SERPINB11: variants seen among roughly 807,000 people sequenced by gnomAD.
SERPINB11 encodes serpin B11.
In SERPINB11, 32 loss-of-function variants were observed where a neutral mutation model predicts 36.7. The ratio of observed to expected loss-of-function variants is 0.87; its 90% CI spans 0.66 to 1.17. SERPINB11 has a LOEUF of 1.17. SERPINB11 is among the 50% of genes most tolerant of loss of function. The pLI, the probability that SERPINB11 is intolerant of heterozygous loss-of-function variation, is 0.00. For synonymous variants in SERPINB11, 174 were observed against 168.1 expected, an observed-to-expected ratio of 1.04 and a Z score of -0.27; for missense variants, 528 against 458.4, an observed-to-expected ratio of 1.15 and a Z score of -1.39.
chr18:63,720,650 T>C, intron 6 of SERPINB11, 181 bp from the exon 7 acceptor site: 1 of 545,616 alleles, frequency 1.8e-6, no homozygotes, highest in Non-Finnish European at 3.2e-6. Flanking sequence ...CATGACTTAT[T>C]TTAAATTAAA....
intron 2 of SERPINB11, among the ~76,000 whole-genome samples, chr18:63,710,915 A>G (rs1489306783): frequency 6.6e-5 from 10 of 152,196 alleles, no homozygotes; most frequent in South Asian, 2.1e-4. Flanking sequence ...TCACTTAACA[A>G]CTCTTAGGAT....
At position 63,723,730 on chromosome 18, in the gene SERPINB11, TTG is replaced by T; in HGVS notation, c.*332_*333del. 1 of 210,742 alleles carries T rather than the reference TTG, an allele frequency of 4.7e-6. No individual in the cohort carries two copies. The allele number at this position is 210,742 out of a possible 1,614,324, so 13.1% of individuals were successfully genotyped here. On this transcript the variant is annotated 3_prime_UTR_variant, in exon 8 of 8. Transcript: ENST00000544088. ...TTGACTTGTATGTATCTGTGAGATC[TTG>T]AATAAGTGACCTGACATCTCTGCTT...
chr18:63,723,312 G>C lies in SERPINB11; in HGVS notation c.1092G>C (p.Gln364His). Residue 364 changes from glutamine (Q) to histidine (H), a missense_variant, in exon 8 of 8, where the codon CAG (glutamine) becomes CAC (histidine). Physicochemically the swap from Gln to His is conservative, Grantham distance 24. Coordinates refer to ENST00000544088, the MANE Select transcript of SERPINB11 (RefSeq NM_001370475.1). ...IAVKSLPMRA[Q>H]FKANHPFLFF... is the part of the protein sequence containing the mutation. ...TAAAAAGCCTACCAATGAGAGCTCA[G>C]TTCAAGGCGAACCACCCCTTCCTTT... 6.2e-7 allele frequency: 1 copy of C among 1,613,938 alleles called. No individual in the cohort carries two copies. Among genetic ancestry groups the C allele is most frequent in the African/African-American group, 1.3e-5 (1 of 75,048 alleles).
intron 4 of SERPINB11, among the ~76,000 whole-genome samples, chr18:63,713,748 C>T (rs79654591): frequency 1.8e-4 from 27 of 152,242 alleles, no homozygotes; most frequent in Admixed American, 5.2e-4. Context: ...CTGGTATGCC[C>T]GCTCTCTTGA....
At position 63,720,722 on chromosome 18, in the gene SERPINB11, C is replaced by T. The variant is rs1457859851; in HGVS notation, c.619-109C>T. On this transcript the variant is annotated intron_variant, in intron 6 of 7. Coordinates refer to ENST00000544088, the MANE Select transcript of SERPINB11 (RefSeq NM_001370475.1). ...ATCTACTTTGTAGTTTCTATTTTAC[C>T]CATGCCTTTAGAGTGTTCATGCAGA... 4.6e-5 allele frequency: 33 copies of T among 714,528 alleles called. No homozygotes were observed. In the East Asian group the frequency reaches 7.3e-4, roughly 16 times the overall value. 44.3% of individuals were successfully genotyped at this position (714,528 alleles called of 1,614,324 possible).
intron 3 of SERPINB11, 41 bp downstream of exon 3, chr18:63,711,435 A>T (rs1300055581): frequency 5.6e-6 from 8 of 1,419,190 alleles, no homozygotes; most frequent in African/African-American, 2.8e-5. Context: ...TCTTTAACCT[A>T]AGAGAAGGAT....
At chr18:63,710,077 G>T in intron 1 of SERPINB11, 102 bp from the exon 2 acceptor site, 1 of 864,222 alleles carries the variant, frequency 1.2e-6, no homozygotes, top group Non-Finnish European at 1.7e-6. Context: ...TCATGAAGCA[G>T]TGTGCCCTGA....
At chr18:63,714,154 C>T (rs570403889) in intron 4 of SERPINB11, among the ~76,000 whole-genome samples, 21 of 152,050 alleles carry the variant, frequency 1.4e-4, no homozygotes, top group Admixed American at 1.3e-4. Context: ...GCTGGGTGCC[C>T]GGGAGAGACA....
chr18:63,711,507 A>G (rs1914526433), intron 3 of SERPINB11, 113 bp downstream of exon 3: 4 of 764,808 alleles, frequency 5.2e-6, no homozygotes, highest in South Asian at 3.2e-5. Context: ...GGAACCAGCT[A>G]TGTGTCCCCC....
chr18:63,722,630 G>A (rs1235734989), intron 7 of SERPINB11, among the ~76,000 whole-genome samples: 1 of 152,174 alleles, frequency 6.6e-6, no homozygotes, highest in East Asian at 1.9e-4. Flanking sequence ...AGGGTATCAT[G>A]AAATGTTTCA....
intron 5 of SERPINB11, among the ~76,000 whole-genome samples, chr18:63,718,236 A>G (rs1914718328): frequency 6.6e-6 from 1 of 151,870 alleles, no homozygotes; most frequent in Admixed American, 6.6e-5. Flanking sequence ...AATCCCTCCA[A>G]TGTTGATCTC....
At position 63,710,354 on chromosome 18, in the gene SERPINB11, T is replaced by A. The variant is rs566045959; in HGVS notation, c.161T>A (p.Leu54Ter). ...GCCAGGGGAGAGACTGAAGAGCAAT[T>A]GGAGAAGGTATGGAATTCCTCAGAG... ...LGARGETEEQ[L>*]EKVLHFSHTV... The change falls in exon 2 of 8, where the codon TTG becomes TAG. Residue 54 changes from leucine to a stop codon, truncating the protein, a stop_gained. Transcript: ENST00000544088. LOFTEE classifies it high-confidence loss of function. The A allele has an allele frequency of 1.2e-5, 20 of 1,610,860 alleles. No homozygotes were observed. The East Asian group carries it at 4.2e-4, about 34-fold the overall frequency.
At chr18:63,714,416 C>T (rs148042869) in intron 4 of SERPINB11, among the ~76,000 whole-genome samples, 1 of 152,102 alleles carries the variant, frequency 6.6e-6, no homozygotes, top group South Asian at 2.1e-4. Context: ...GAGCAGACAA[C>T]CGGTCTGACT....
chr18:63,717,497 G>A (rs546295033), intron 5 of SERPINB11, among the ~76,000 whole-genome samples: 1 of 152,004 alleles, frequency 6.6e-6, no homozygotes, highest in Non-Finnish European at 1.5e-5. Flanking sequence ...AACAAGAAAT[G>A]AGAATTTCAT....
At chr18:63,703,041 C>A (rs750487060) in intron 1 of SERPINB11, 35 bp downstream of exon 1, 6 of 152,172 alleles carry the variant, frequency 3.9e-5, no homozygotes, top group Non-Finnish European at 7.3e-5. Context: ...ATTATCTCAG[C>A]TGTGCTTGTT....
At chr18:63,722,560 A>C (rs1914841389) in intron 7 of SERPINB11, among the ~76,000 whole-genome samples, 1 of 152,194 alleles carries the variant, frequency 6.6e-6, no homozygotes, top group African/African-American at 2.4e-5. Context: ...GATGAAAGCT[A>C]TCAGAGTGCA....
chr18:63,716,786 C>G (rs940369043), intron 5 of SERPINB11, among the ~76,000 whole-genome samples: 2 of 134,190 alleles, frequency 1.5e-5, no homozygotes, highest in Admixed American at 1.5e-4. Context: ...CATTTTTCCC[C>G]AGTTGGCTCT....
Position 63,713,872 on chromosome 18 carries a change from T to C in SERPINB11, c.357+1179T>C, listed in dbSNP as rs539331201. On this transcript the variant is annotated intron_variant, in intron 4 of 7. Coordinates refer to ENST00000544088, the MANE Select transcript of SERPINB11 (RefSeq NM_001370475.1). ...AAGGTCCTCATTAGCATCATGAAGA[T>C]TGTCTTGAACTATGTCATGAGAGGG... 1.8e-3 allele frequency among the ~76,000 whole-genome samples: 272 copies of C among 152,298 alleles called. 1 individual carries two copies. The highest frequency in any genetic ancestry group is 3.4e-3 in the Middle Eastern group (1 of 294).
intron 1 of SERPINB11, among the ~76,000 whole-genome samples, chr18:63,707,654 G>C (rs1914406450): frequency 6.6e-6 from 1 of 152,140 alleles, no homozygotes; most frequent in African/African-American, 2.4e-5. Flanking sequence ...TTCTCAGTTT[G>C]GTTCTGTGTC....
Sources: gnomAD v4.1 joint callset for allele counts (sites outside exome capture counted in the v4.1 genomes callset) on GRCh38, gnomAD v4.1.1 for gene constraint, MANE v1.5 for transcripts, NCBI Gene and HGNC (gene_info 2026-07-23, HGNC 2026-07-21) for gene names.